Variants in CTNND2 observed in about 807,000 individuals in gnomAD.
CTNND2 encodes catenin delta 2, also known as catenin delta-2.
In CTNND2, 22 loss-of-function variants were observed where a neutral mutation model predicts 144.4. The ratio of observed to expected loss-of-function variants is 0.15; its 90% CI spans 0.11 to 0.22. CTNND2 has a LOEUF of 0.22. Ranked by LOEUF, CTNND2 falls within the 10% of genes least tolerant of loss-of-function variation. CTNND2 has a pLI of 1.00. For missense variants in CTNND2, 1,353 were observed against 1,618.8 expected (o/e 0.84, Z 2.82); for synonymous variants, 751 against 695.6 (o/e 1.08, Z -1.25).
chr5:11,226,121 C>T (rs1003055153), intron 10 of CTNND2, among the ~76,000 whole-genome samples: 1 of 152,206 alleles, frequency 6.6e-6, no homozygotes, highest in African/African-American at 2.4e-5. Flanking sequence ...CCTCCAGCAT[C>T]GTGAGAGAAC....
chr5:11,462,531 T>C (rs1301840283), intron 3 of CTNND2, among the ~76,000 whole-genome samples: 2 of 151,056 alleles, frequency 1.3e-5, no homozygotes, highest in Non-Finnish European at 2.9e-5. Flanking sequence ...TGGGTATGTC[T>C]ATAGAAGAAA....
intron 10 of CTNND2, among the ~76,000 whole-genome samples, chr5:11,214,827 C>T (rs1260654593): frequency 1.3e-5 from 2 of 152,164 alleles, no homozygotes; most frequent in African/African-American, 2.4e-5. Flanking sequence ...ATGCAGGTGT[C>T]CCCTAAACCT....
chr5:11,572,497 G>A (rs1777639843), intron 2 of CTNND2, among the ~76,000 whole-genome samples: 2 of 152,096 alleles, frequency 1.3e-5, no homozygotes, highest in African/African-American at 4.8e-5. Flanking sequence ...TGGGGAGGAT[G>A]TTCTGCCTCT....
At chr5:11,501,774 C>T (rs918480532) in intron 3 of CTNND2, among the ~76,000 whole-genome samples, 6 of 151,456 alleles carry the variant, frequency 4.0e-5, no homozygotes, top group Middle Eastern at 3.5e-3. Flanking sequence ...TTTGGGAGGC[C>T]GAGACGGGCA....
intron 2 of CTNND2, among the ~76,000 whole-genome samples, chr5:11,572,891 T>C (rs1777682814): frequency 6.6e-6 from 1 of 152,226 alleles, no homozygotes; most frequent in Non-Finnish European, 1.5e-5. Context: ...GTGACAATGT[T>C]TGCAATAATA....
At chr5:11,875,617 T>C (rs1449927135) in intron 1 of CTNND2, among the ~76,000 whole-genome samples, 3 of 152,224 alleles carry the variant, frequency 2.0e-5, no homozygotes, top group South Asian at 4.2e-4. Flanking sequence ...GGGGAAGAGA[T>C]GTCACAACTC....
intron 8 of CTNND2, among the ~76,000 whole-genome samples, chr5:11,353,718 G>A (rs913994574): frequency 5.3e-5 from 8 of 151,824 alleles, no homozygotes; most frequent in South Asian, 2.1e-4. Context: ...TAGGAGAACC[G>A]TTTGAACCCA....
Position 11,188,007 on chromosome 5 carries a change from A to G in CTNND2, c.1975+11441T>C, listed in dbSNP as rs560853481. On this transcript the variant is annotated intron_variant, in intron 11 of 21. Transcript: ENST00000304623. ...GAATGCTTTTACACTGCTGGTGGGA[A>G]TGTAAATTACTTCAATCATTGTGGA... 5.3e-4 allele frequency among the ~76,000 whole-genome samples: 81 copies of G among 152,354 alleles called. 1 individual carries two copies. In the Middle Eastern group the frequency reaches 0.01, roughly 19 times the overall value.
intron 3 of CTNND2, among the ~76,000 whole-genome samples, chr5:11,511,392 C>T (rs999229126): frequency 1.3e-5 from 2 of 152,050 alleles, no homozygotes; most frequent in South Asian, 4.1e-4. Context: ...CAGGGATCCG[C>T]CTTGGTGGTA....
intron 1 of CTNND2, among the ~76,000 whole-genome samples, chr5:11,768,267 AGTTTT>A (rs60666239): frequency 0.28 from 41,785 of 148,612 alleles, 6,346 homozygotes; most frequent in East Asian, 0.64. Flanking sequence ...CCCACTCAGG[AGTTTT>A]GTTTTGTTTT....
chr5:11,617,154 G>A (rs1333482537), intron 2 of CTNND2, among the ~76,000 whole-genome samples: 2 of 152,194 alleles, frequency 1.3e-5, no homozygotes, highest in African/African-American at 4.8e-5. Flanking sequence ...GGATGGCCAA[G>A]TGGTTACTAA....
chr5:11,502,735 C>T (rs1199207384), intron 3 of CTNND2, among the ~76,000 whole-genome samples: 1 of 152,110 alleles, frequency 6.6e-6, no homozygotes, highest in Non-Finnish European at 1.5e-5. Context: ...TAAGATTTTC[C>T]ACCCTCACCA....
At chr5:11,459,665 A>C in intron 3 of CTNND2, among the ~76,000 whole-genome samples, 1 of 152,224 alleles carries the variant, frequency 6.6e-6, no homozygotes, top group East Asian at 1.9e-4. Flanking sequence ...CATGAATTCC[A>C]AAAACCTGCA....
At position 11,200,839 on chromosome 5, in the gene CTNND2, C is replaced by G. The variant is rs146958150; in HGVS notation, c.1762-1178G>C. ...GACTATAGGCGTCCGCCACCACGCC[C>G]GGCTATTTTTTTTGTATTTTTAGTA... On this transcript the variant is annotated intron_variant, in intron 10 of 21. Coordinates refer to ENST00000304623, the MANE Select transcript of CTNND2 (RefSeq NM_001332.4). 1.0e-3 allele frequency among the ~76,000 whole-genome samples: 152 copies of G among 152,232 alleles called. 2 individuals are homozygous for G. In the East Asian group the frequency reaches 0.029, roughly 29 times the overall value.
chr5:11,383,270 G>A (rs1346276478), intron 7 of CTNND2, among the ~76,000 whole-genome samples: 1 of 152,140 alleles, frequency 6.6e-6, no homozygotes, highest in Non-Finnish European at 1.5e-5. Context: ...TGGCTGAGAA[G>A]GGTGTCATGG....
At chr5:11,633,941 G>T (rs1781545170) in intron 2 of CTNND2, among the ~76,000 whole-genome samples, 1 of 152,146 alleles carries the variant, frequency 6.6e-6, no homozygotes, top group Non-Finnish European at 1.5e-5. Context: ...TCTTATGCCT[G>T]ATGTTTTTTC....
At position 11,384,765 on chromosome 5, in the gene CTNND2, C is replaced by G; in HGVS notation, c.1077G>C (p.Leu359=). 6.2e-7 allele frequency: 1 copy of G among 1,612,950 alleles called. No individual in the cohort carries two copies. The highest frequency in any genetic ancestry group is 8.5e-7 in the Non-Finnish European group (1 of 1,179,648). Residue 359 remains leucine, a synonymous_variant, in exon 7 of 22, where the codon CTG becomes CTC. Coordinates refer to ENST00000304623, the MANE Select transcript of CTNND2 (RefSeq NM_001332.4). The surrounding 1 kb of genome is among the most constrained non-coding windows in gnomAD (Gnocchi z 5.2). ...CGTGGACCAGGCGCTTGGTGGGCGA[C>G]AGGGTGGCGTACGTGCCGATGGTGG... ...LSSTIGTYAT[L]SPTKRLVHAS...
chr5:11,429,048 C>A (rs765277939), intron 3 of CTNND2, among the ~76,000 whole-genome samples: 1 of 152,106 alleles, frequency 6.6e-6, no homozygotes, highest in Non-Finnish European at 1.5e-5. Flanking sequence ...ATAGCATATA[C>A]CTTGATTTAA....
intron 9 of CTNND2, among the ~76,000 whole-genome samples, chr5:11,318,603 C>T (rs1751730847): frequency 6.6e-6 from 1 of 152,154 alleles, no homozygotes; most frequent in African/African-American, 2.4e-5. Flanking sequence ...GATCCTTCAA[C>T]CCAACTGGAT....
Sources: allele counts gnomAD v4.1 joint callset (sites outside exome capture counted in the v4.1 genomes callset), GRCh38; gene constraint gnomAD v4.1.1; non-coding constraint Gnocchi (gnomAD v3.1); transcripts MANE v1.5; gene names NCBI Gene and HGNC (gene_info 2026-07-23, HGNC 2026-07-21).